The following KCNAB1 variants were observed in gnomAD, a reference collection of about 807,000 sequenced individuals.
KCNAB1 encodes potassium voltage-gated channel subfamily A regulatory beta subunit 1.
KCNAB1 carries 35 observed loss-of-function variants against 64.6 expected under a neutral mutation model. The observed-to-expected ratio is 0.54, with a 90% confidence interval of 0.41 to 0.72. The LOEUF is 0.72. KCNAB1 is among the 30% of genes least tolerant of loss of function. KCNAB1 has a pLI of 0.00. For synonymous variants in KCNAB1, 177 were observed against 183.8 expected (o/e 0.96, Z 0.30); for missense variants, 401 against 512.9 (o/e 0.78, Z 2.11).
At chr3:156,191,352 T>A (rs1713548308) in intron 1 of KCNAB1, among the ~76,000 whole-genome samples, 2 of 152,264 alleles carry the variant, frequency 1.3e-5, no homozygotes, top group Non-Finnish European at 2.9e-5. Context: ...CCAGGGCCAA[T>A]TTGCTTTACA....
At chr3:156,387,014 C>CTTTTTTTTTT (rs1194708289) in intron 1 of KCNAB1, among the ~76,000 whole-genome samples, 2 of 90,526 alleles carry the variant, frequency 2.2e-5, no homozygotes, top group African/African-American at 1.1e-4. Flanking sequence ...TTCTCTCTCT[C>CTTTTTTTTTT]TTTTTTTTTT....
intron 1 of KCNAB1, among the ~76,000 whole-genome samples, chr3:156,278,323 T>C: frequency 6.6e-6 from 1 of 152,192 alleles, no homozygotes; most frequent in East Asian, 1.9e-4. Flanking sequence ...GTTAGCTTTA[T>C]GTGGGAAGCT....
intron 8 of KCNAB1, among the ~76,000 whole-genome samples, chr3:156,504,031 T>C (rs1461856276): frequency 1.3e-5 from 2 of 152,160 alleles, no homozygotes; most frequent in Non-Finnish European, 2.9e-5. Context: ...TAATATTGTG[T>C]TTATTAACCA....
intron 1 of KCNAB1, among the ~76,000 whole-genome samples, chr3:156,210,028 T>A (rs1576608073): frequency 6.6e-6 from 1 of 152,244 alleles, no homozygotes; most frequent in Non-Finnish European, 1.5e-5. Flanking sequence ...CCAGTTTCCC[T>A]GCTTCCCTGC....
At chr3:156,179,428 A>ACCCC (rs1560123122) in intron 1 of KCNAB1, among the ~76,000 whole-genome samples, 23 of 91,370 alleles carry the variant, frequency 2.5e-4, no homozygotes, top group Admixed American at 6.1e-4. Flanking sequence ...CCCCCCCCCC[A>ACCCC]CCCCCTCACC....
At chr3:156,506,054 A>G (rs1013519989) in intron 8 of KCNAB1, among the ~76,000 whole-genome samples, 1 of 152,186 alleles carries the variant, frequency 6.6e-6, no homozygotes, top group Non-Finnish European at 1.5e-5. Flanking sequence ...CATCCAAACC[A>G]TATCACTTGG....
intron 1 of KCNAB1, among the ~76,000 whole-genome samples, chr3:156,305,129 T>A (rs1721405347): frequency 6.6e-6 from 1 of 152,132 alleles, no homozygotes; most frequent in Non-Finnish European, 1.5e-5. Context: ...CAGGATTGTT[T>A]TCATAATTGC....
intron 1 of KCNAB1, among the ~76,000 whole-genome samples, chr3:156,377,302 T>A (rs73164717): frequency 2.0e-5 from 3 of 152,176 alleles, no homozygotes; most frequent in Middle Eastern, 3.4e-3. Flanking sequence ...GAAGAGCAGG[T>A]TGGCTTGAGC....
chr3:156,182,843 C>T (rs1217012733), intron 1 of KCNAB1, among the ~76,000 whole-genome samples: 9 of 150,882 alleles, frequency 6.0e-5, no homozygotes, highest in South Asian at 2.1e-4. Context: ...GGATTACAGG[C>T]GCCCGCCACT....
chr3:156,279,235 C>A (rs1207509129), intron 1 of KCNAB1, among the ~76,000 whole-genome samples: 1 of 149,280 alleles, frequency 6.7e-6, no homozygotes, highest in Non-Finnish European at 1.5e-5. Flanking sequence ...TTTGTTCTTG[C>A]GATAGTTTAC....
intron 1 of KCNAB1, among the ~76,000 whole-genome samples, chr3:156,304,526 G>A (rs956978610): frequency 3.3e-4 from 51 of 152,316 alleles, no homozygotes; most frequent in African/African-American, 1.2e-3. Context: ...ACCAGCGTAT[G>A]TTTATACTAA....
At position 156,217,194 on chromosome 3, in the gene KCNAB1, A is replaced by G. The variant is rs371933236; in HGVS notation, c.275+96308A>G. 1.6e-4 allele frequency among the ~76,000 whole-genome samples: 25 copies of G among 152,358 alleles called. No homozygotes were observed. In the East Asian group the frequency reaches 1.7e-3, roughly 11 times the overall value. On this transcript the variant is annotated intron_variant, in intron 1 of 13. Coordinates refer to ENST00000490337, the MANE Select transcript of KCNAB1 (RefSeq NM_172160.3). ...TAGAGAAAGTACAATAATATTGTTC[A>G]GAGTCAGCAAAGATAATGTGCATCT...
intron 8 of KCNAB1, among the ~76,000 whole-genome samples, chr3:156,507,863 G>A (rs574056793): frequency 6.6e-6 from 1 of 152,074 alleles, no homozygotes; most frequent in African/African-American, 2.4e-5. Flanking sequence ...TTGAACCATA[G>A]GATACTGTCA....
At chr3:156,171,185 ACG>A (rs1261474349) in intron 1 of KCNAB1, among the ~76,000 whole-genome samples, 1 of 119,536 alleles carries the variant, frequency 8.4e-6, no homozygotes, top group Non-Finnish European at 1.8e-5. Context: ...TAGAAACTTC[ACG>A]CACACATACA....
chr3:156,276,144 C>T (rs1297187727), intron 1 of KCNAB1, among the ~76,000 whole-genome samples: 3 of 152,026 alleles, frequency 2.0e-5, no homozygotes, highest in Non-Finnish European at 4.4e-5. Flanking sequence ...AACATTAATC[C>T]CCTTGTACAT....
intron 3 of KCNAB1, among the ~76,000 whole-genome samples, chr3:156,456,551 A>T (rs1244052724): frequency 6.6e-6 from 1 of 152,202 alleles, no homozygotes; most frequent in Non-Finnish European, 1.5e-5. Flanking sequence ...CTAGCTTAAC[A>T]TTTTTCTTGG....
chr3:156,242,592 G>A (rs1717222670), intron 1 of KCNAB1, among the ~76,000 whole-genome samples: 1 of 149,522 alleles, frequency 6.7e-6, no homozygotes, highest in African/African-American at 2.5e-5. Context: ...TTCTTCTATT[G>A]AGCTTTTCAT....
chr3:156,125,162 A>T (rs1713576979), intron 1 of KCNAB1, among the ~76,000 whole-genome samples: 1 of 152,066 alleles, frequency 6.6e-6, no homozygotes, highest in African/African-American at 2.4e-5. Flanking sequence ...CCATTGCAAA[A>T]CTTAAATGAG....
chr3:156,201,536 GT>G (rs1714329790), intron 1 of KCNAB1, among the ~76,000 whole-genome samples: 2 of 152,258 alleles, frequency 1.3e-5, no homozygotes, highest in African/African-American at 4.8e-5. Flanking sequence ...TGGGTCTGCT[GT>G]TTTCCTTGCC....
Sources: gnomAD v4.1 joint callset for allele counts (sites outside exome capture counted in the v4.1 genomes callset) on GRCh38, gnomAD v4.1.1 for gene constraint, MANE v1.5 for transcripts, NCBI Gene and HGNC (gene_info 2026-07-23, HGNC 2026-07-21) for gene names.